TMTC2: variants seen among roughly 807,000 people sequenced by gnomAD.
The protein encoded by TMTC2 is protein O-mannosyl-transferase TMTC2.
TMTC2 carries 43 observed loss-of-function variants against 82.4 expected under a neutral mutation model. The observed-to-expected ratio is 0.52, with a 90% CI of 0.41 to 0.67. The LOEUF is 0.67. TMTC2 is among the 30% of genes least tolerant of loss of function. The probability of loss-of-function intolerance (pLI) is 0.00; values close to 1 mark genes in which losing one functional copy is unlikely to be tolerated. For synonymous variants in TMTC2, 408 were observed against 381.9 expected (o/e 1.07, Z -0.80); for missense variants, 919 against 1,012.4 (o/e 0.91, Z 1.25).
intron 1 of TMTC2, among the ~76,000 whole-genome samples, chr12:82,738,502 C>T (rs1875231227): frequency 1.3e-5 from 2 of 152,050 alleles, no homozygotes; most frequent in Non-Finnish European, 2.9e-5. Context: ...TTACTTATAC[C>T]TTAAAGAGAC....
At chr12:82,901,865 A>G (rs1874037942) in intron 3 of TMTC2, among the ~76,000 whole-genome samples, 1 of 151,878 alleles carries the variant, frequency 6.6e-6, no homozygotes, top group African/African-American at 2.4e-5. Context: ...TTTGCTTTGC[A>G]TCTATTTCAG....
At chr12:82,898,398 C>T (rs1456523819) in intron 3 of TMTC2, among the ~76,000 whole-genome samples, 2 of 152,158 alleles carry the variant, frequency 1.3e-5, no homozygotes, top group Non-Finnish European at 2.9e-5. Flanking sequence ...TGAAAAAATT[C>T]TTGGCATATT....
intron 1 of TMTC2, among the ~76,000 whole-genome samples, chr12:82,819,243 T>A (rs1477278272): frequency 2.0e-5 from 3 of 152,052 alleles, no homozygotes; most frequent in African/African-American, 4.8e-5. Flanking sequence ...CAATTTTAAT[T>A]TTTAGAAAAC....
At chr12:82,906,692 A>AAAAC (rs936119959) in intron 3 of TMTC2, among the ~76,000 whole-genome samples, 4 of 152,174 alleles carry the variant, frequency 2.6e-5, no homozygotes, top group East Asian at 3.9e-4. Flanking sequence ...TTTGTCTCAA[A>AAAAC]AAACAAACAA....
At chr12:82,870,354 A>G (rs962791716) in intron 2 of TMTC2, among the ~76,000 whole-genome samples, 22 of 152,300 alleles carry the variant, frequency 1.4e-4, no homozygotes, top group African/African-American at 5.1e-4. Context: ...AAATAACACA[A>G]GCTTAACGCA....
At chr12:82,765,905 G>A (rs7313685) in intron 1 of TMTC2, among the ~76,000 whole-genome samples, 33,007 of 151,996 alleles carry the variant, frequency 0.22, 3,953 homozygotes, top group Middle Eastern at 0.37. Flanking sequence ...GTTTTCATTG[G>A]AAACACTGAA....
chr12:82,780,482 CAT>C (rs551566512), intron 1 of TMTC2, among the ~76,000 whole-genome samples: 54 of 151,796 alleles, frequency 3.6e-4, no homozygotes, highest in African/African-American at 1.2e-3. Context: ...TGATTAAACA[CAT>C]GATATAAAAT....
At chr12:82,900,659 A>T (rs2137189345) in intron 3 of TMTC2, among the ~76,000 whole-genome samples, 1 of 144,172 alleles carries the variant, frequency 6.9e-6, no homozygotes, top group Admixed American at 7.1e-5. Flanking sequence ...TCTGGAATAT[A>T]TATATAGGAA....
intron 1 of TMTC2, among the ~76,000 whole-genome samples, chr12:82,784,018 C>T (rs1306711574): frequency 6.6e-6 from 1 of 151,994 alleles, no homozygotes; most frequent in African/African-American, 2.4e-5. Context: ...CTATATTTTC[C>T]ATTAATTATT....
At chr12:82,891,096 G>T (rs1444556873) in intron 2 of TMTC2, among the ~76,000 whole-genome samples, 1 of 152,108 alleles carries the variant, frequency 6.6e-6, no homozygotes, top group Non-Finnish European at 1.5e-5. Flanking sequence ...AAATTGTAGG[G>T]TCACCTGACT....
chr12:82,828,379 A>G (rs1310969595), intron 1 of TMTC2, among the ~76,000 whole-genome samples: 1 of 151,796 alleles, frequency 6.6e-6, no homozygotes, highest in Non-Finnish European at 1.5e-5. Context: ...ATTCCCGGCT[A>G]TGTAGAGATG....
chr12:83,110,934 C>A (rs996878397), intron 11 of TMTC2, among the ~76,000 whole-genome samples: 2 of 152,338 alleles, frequency 1.3e-5, no homozygotes, highest in Non-Finnish European at 2.9e-5. Flanking sequence ...TTAGTGTCTC[C>A]ACATGTAGAG....
At chr12:82,840,467 T>A (rs80129320) in intron 1 of TMTC2, among the ~76,000 whole-genome samples, 5,142 of 152,356 alleles carry the variant, frequency 0.034, 295 homozygotes, top group African/African-American at 0.12. Context: ...TAAATTTTAC[T>A]TGTTCATTTT....
intron 2 of TMTC2, among the ~76,000 whole-genome samples, chr12:82,890,354 C>T (rs1873333192): frequency 6.6e-6 from 1 of 152,012 alleles, no homozygotes; most frequent in East Asian, 1.9e-4. Context: ...TGCAGCAATA[C>T]TTGAATATTT....
intron 1 of TMTC2, among the ~76,000 whole-genome samples, chr12:82,794,103 C>T (rs1878593341): frequency 6.6e-6 from 1 of 152,114 alleles, no homozygotes; most frequent in Non-Finnish European, 1.5e-5. Context: ...TGCCCAGGCT[C>T]TGTTGATGCG....
intron 2 of TMTC2, among the ~76,000 whole-genome samples, chr12:82,868,699 CTT>C (rs59925659): frequency 2.2e-4 from 29 of 132,686 alleles, no homozygotes; most frequent in Middle Eastern, 3.8e-3. Context: ...AAGTCTCTCT[CTT>C]TTTTTTTTTT....
chr12:82,753,159 G>C (rs974099946), intron 1 of TMTC2, among the ~76,000 whole-genome samples: 4 of 152,082 alleles, frequency 2.6e-5, no homozygotes, highest in African/African-American at 9.7e-5. Flanking sequence ...CCTTTCAGCT[G>C]CTCATCTTTT....
chr12:82,825,771 G>A (rs1259290841), intron 1 of TMTC2, among the ~76,000 whole-genome samples: 1 of 151,916 alleles, frequency 6.6e-6, no homozygotes, highest in South Asian at 2.1e-4. Context: ...GTAAGAAATG[G>A]CTTTTTCTAT....
chr12:82,739,476 A>T (rs1875291174), intron 1 of TMTC2, among the ~76,000 whole-genome samples: 1 of 152,104 alleles, frequency 6.6e-6, no homozygotes, highest in Non-Finnish European at 1.5e-5. Context: ...CAAAAAGCAG[A>T]TGCCATGAGT....
Sources: gnomAD v4.1 joint callset for allele counts (sites outside exome capture counted in the v4.1 genomes callset) on GRCh38, gnomAD v4.1.1 for gene constraint, MANE v1.5 for transcripts, NCBI Gene and HGNC (gene_info 2026-07-23, HGNC 2026-07-21) for gene names.